HDAC9: variants seen among roughly 807,000 people sequenced by gnomAD.
HDAC9 encodes the protein MEF-2 interacting transcription repressor (MITR) protein.
HDAC9 carries 41 observed loss-of-function variants against 139.4 expected under a neutral mutation model. The ratio of observed to expected loss-of-function variants is 0.29; its 90% CI spans 0.23 to 0.38. HDAC9 has a LOEUF of 0.38. HDAC9 is among the 10% of genes least tolerant of loss of function. HDAC9 has a pLI of 1.00. For missense variants in HDAC9, 1,147 were observed against 1,297.0 expected (o/e 0.88, Z 1.78); for synonymous variants, 517 against 476.2 (o/e 1.09, Z -1.12).
At chr7:18,338,670 G>A (rs1022837558) in intron 1 of HDAC9, among the ~76,000 whole-genome samples, 1 of 151,364 alleles carries the variant, frequency 6.6e-6, no homozygotes, top group Admixed American at 6.6e-5. Flanking sequence ...GGTATATAAT[G>A]CTTTTTATAT....
chr7:18,874,407 C>A (rs939027651), intron 21 of HDAC9, 71 bp from the exon 22 acceptor site: 95 of 841,306 alleles, frequency 1.1e-4, no homozygotes, highest in Middle Eastern at 2.3e-4. Context: ...TGTGCCAGGT[C>A]GTTTTCACTG....
At chr7:18,419,173 G>A (rs542799758) in intron 1 of HDAC9, among the ~76,000 whole-genome samples, 1 of 151,912 alleles carries the variant, frequency 6.6e-6, no homozygotes, top group Admixed American at 6.6e-5. Context: ...TCTTTCTATT[G>A]TATGACAAGG....
intron 2 of HDAC9, among the ~76,000 whole-genome samples, chr7:18,253,115 T>A (rs1359927388): frequency 6.6e-6 from 1 of 152,256 alleles, no homozygotes; most frequent in Non-Finnish European, 1.5e-5. Context: ...TAGTATTCCA[T>A]GGTATATATG....
intron 3 of HDAC9, among the ~76,000 whole-genome samples, chr7:18,587,302 C>G (rs1372747196): frequency 6.6e-6 from 1 of 151,944 alleles, no homozygotes; most frequent in African/African-American, 2.4e-5. Flanking sequence ...AAAGTGGCTC[C>G]TGTGAGAAAA....
intron 24 of HDAC9, among the ~76,000 whole-genome samples, chr7:18,970,372 T>C (rs1254857204): frequency 6.6e-6 from 1 of 152,224 alleles, no homozygotes; most frequent in Non-Finnish European, 1.5e-5. Context: ...ATTTTTATTT[T>C]TTGAAATGAA....
chr7:18,527,560 G>A (rs1370476420), intron 2 of HDAC9, among the ~76,000 whole-genome samples: 1 of 152,026 alleles, frequency 6.6e-6, no homozygotes, highest in African/African-American at 2.4e-5. Context: ...ATCTAAATTA[G>A]CATTCACAAT....
At chr7:18,187,111 T>C (rs1342858925) in intron 2 of HDAC9, among the ~76,000 whole-genome samples, 1 of 152,208 alleles carries the variant, frequency 6.6e-6, no homozygotes, top group African/African-American at 2.4e-5. Flanking sequence ...AAGTGTACAT[T>C]GAGTACCTAC....
intron 25 of HDAC9, among the ~76,000 whole-genome samples, chr7:18,985,059 T>G (rs12056180): frequency 6.6e-6 from 1 of 151,934 alleles, no homozygotes; most frequent in Non-Finnish European, 1.5e-5. Context: ...TATTTTTTTT[T>G]AATTCTTTTT....
intron 24 of HDAC9, among the ~76,000 whole-genome samples, chr7:18,958,297 G>A (rs1783299246): frequency 6.6e-6 from 1 of 152,102 alleles, no homozygotes. Context: ...TGGAAAAAAA[G>A]TTTCATGTTA....
intron 16 of HDAC9, among the ~76,000 whole-genome samples, chr7:18,772,401 A>T (rs1349728532): frequency 6.6e-6 from 1 of 152,100 alleles, no homozygotes; most frequent in Non-Finnish European, 1.5e-5. Context: ...ATATTGACTC[A>T]GGAACCTCTT....
intron 12 of HDAC9, among the ~76,000 whole-genome samples, chr7:18,691,571 C>T (rs1414970084): frequency 6.6e-6 from 1 of 152,000 alleles, no homozygotes; most frequent in Non-Finnish European, 1.5e-5. Context: ...GAAGAAAACA[C>T]AGACCACCTG....
intron 1 of HDAC9, among the ~76,000 whole-genome samples, chr7:18,344,779 G>A (rs1284125778): frequency 6.6e-6 from 1 of 151,952 alleles, no homozygotes; most frequent in African/African-American, 2.4e-5. Context: ...GGCTGTTACT[G>A]GGAATGTACT....
intron 2 of HDAC9, chr7:18,509,302 G>A (rs1430089548): frequency 4.1e-6 from 4 of 985,302 alleles, no homozygotes; most frequent in Non-Finnish European, 4.8e-6. Context: ...TGTGGAAGGG[G>A]TGGGGAAGCC....
chr7:18,737,082 C>T (rs988958031), intron 13 of HDAC9, among the ~76,000 whole-genome samples: 2 of 152,052 alleles, frequency 1.3e-5, no homozygotes, highest in African/African-American at 4.8e-5. Flanking sequence ...GTGGTGATAT[C>T]CCCTTTTTCA....
chr7:18,118,868 A>G (rs1784184401), intron 1 of HDAC9, among the ~76,000 whole-genome samples: 1 of 152,210 alleles, frequency 6.6e-6, no homozygotes, highest in Non-Finnish European at 1.5e-5. Context: ...TTGGCCAAGA[A>G]AGGGTAGTAT....
At chr7:18,154,150 C>A (rs1039915083) in intron 1 of HDAC9, among the ~76,000 whole-genome samples, 1 of 152,118 alleles carries the variant, frequency 6.6e-6, no homozygotes, top group Non-Finnish European at 1.5e-5. Context: ...TTCTAACTTA[C>A]AGTTTTTTTT....
At chr7:18,954,278 T>A (rs1213627609) in intron 24 of HDAC9, 48 bp downstream of exon 24, 1 of 1,125,586 alleles carries the variant, frequency 8.9e-7, no homozygotes, top group Non-Finnish European at 1.3e-6. Flanking sequence ...TAAAACTAAC[T>A]AAAATTATAT....
chr7:18,811,620 T>C (rs1421941368), intron 17 of HDAC9, among the ~76,000 whole-genome samples: 1 of 151,878 alleles, frequency 6.6e-6, no homozygotes, highest in Non-Finnish European at 1.5e-5. Context: ...TTCTTTTACA[T>C]TTATTGATAT....
chr7:18,796,313 A>G (rs1792797241), intron 17 of HDAC9, among the ~76,000 whole-genome samples: 1 of 152,238 alleles, frequency 6.6e-6, no homozygotes, highest in South Asian at 2.1e-4. Context: ...ATTTTGTTTG[A>G]TGCTGAACTT....
Sources: allele counts gnomAD v4.1 joint callset (sites outside exome capture counted in the v4.1 genomes callset), GRCh38; gene constraint gnomAD v4.1.1; transcripts MANE v1.5; gene names NCBI Gene and HGNC (gene_info 2026-07-23, HGNC 2026-07-21).